MTA1: variants seen among roughly 807,000 people sequenced by gnomAD.
MTA1 encodes metastasis associated 1.
In MTA1, 15 loss-of-function variants were observed where a neutral mutation model predicts 97.0. The observed-to-expected ratio is 0.15, with a 90% confidence interval of 0.10 to 0.24. MTA1 has a LOEUF of 0.24. MTA1 is among the 10% of genes least tolerant of loss of function. The pLI is 1.00. For synonymous variants in MTA1, 435 were observed against 417.5 expected (o/e 1.04, Z -0.51); for missense variants, 709 against 1,015.1 (o/e 0.70, Z 4.10).
At chr14:105,440,710 G>T (rs2082482782) in intron 2 of MTA1, among the ~76,000 whole-genome samples, 1 of 152,280 alleles carries the variant, frequency 6.6e-6, no homozygotes, top group Non-Finnish European at 1.5e-5. Flanking sequence ...ACACCAGCCT[G>T]TGAGGGGCAC....
chr14:105,444,697 A>G (rs1359314210), intron 2 of MTA1, among the ~76,000 whole-genome samples: 4 of 151,258 alleles, frequency 2.6e-5, no homozygotes, highest in African/African-American at 9.7e-5. Flanking sequence ...AGGCTGAGGC[A>G]GGAGAATCAC....
intron 15 of MTA1, 70 bp from the exon 16 acceptor site, chr14:105,465,024 T>G: frequency 6.9e-7 from 1 of 1,441,488 alleles, no homozygotes; most frequent in Non-Finnish European, 9.2e-7. Flanking sequence ...GGCTCCCAGG[T>G]CAAGGCGCAG....
chr14:105,431,845 C>T (rs1367697730), intron 1 of MTA1, among the ~76,000 whole-genome samples: 2 of 152,070 alleles, frequency 1.3e-5, no homozygotes, highest in Non-Finnish European at 1.5e-5. Flanking sequence ...AGGCTGGTCT[C>T]AAACTCCTGA....
chr14:105,429,383 T>C (rs1555422911), intron 1 of MTA1, among the ~76,000 whole-genome samples: 1 of 152,032 alleles, frequency 6.6e-6, no homozygotes, highest in Non-Finnish European at 1.5e-5. Flanking sequence ...CCTCCCGGGT[T>C]CAAGCGATTC....
intron 4 of MTA1, 119 bp downstream of exon 4, chr14:105,449,528 G>T: frequency 8.9e-7 from 1 of 1,120,916 alleles, no homozygotes; most frequent in Non-Finnish European, 1.3e-6. Context: ...CCCTGCGCCC[G>T]GCCGGCCCGG....
rs923309328 is a variant in MTA1 at position 105,461,021 on chromosome 14, T to A, written c.942+68T>A. On this transcript the variant is annotated intron_variant, in intron 10 of 20. Transcript: ENST00000331320. ...CATCTCCAGGTAGGCTGCGGGGGTG[T>A]GGGCTCCACATCCCACTCTGCCCTG... The A allele has an allele frequency of 1.3e-5, 19 of 1,499,078 alleles. No homozygotes were observed. The African/African-American group carries it at 2.3e-4, about 18-fold the overall frequency. 92.9% of individuals were successfully genotyped at this position (1,499,078 alleles called of 1,614,324 possible). A position where few individuals can be genotyped will look rare whatever the true frequency, so the allele number is the denominator to read the frequency against.
intron 8 of MTA1, 149 bp from the exon 9 acceptor site, chr14:105,460,209 G>A: frequency 1.6e-6 from 1 of 629,338 alleles, no homozygotes; most frequent in Non-Finnish European, 2.6e-6. Context: ...TGCTGCCCAT[G>A]GCCCCTGGTC....
intron 7 of MTA1, among the ~76,000 whole-genome samples, chr14:105,455,288 C>G (rs1291187281): frequency 6.6e-6 from 1 of 152,194 alleles, no homozygotes; most frequent in Admixed American, 6.5e-5. Flanking sequence ...TGTGGGTGCC[C>G]CACCCTTGAG....
chr14:105,436,841 A>G (rs2082339988), intron 1 of MTA1, among the ~76,000 whole-genome samples: 1 of 152,250 alleles, frequency 6.6e-6, no homozygotes, highest in Non-Finnish European at 1.5e-5. Flanking sequence ...TGAGATATCT[A>G]CATGTGATGA....
chr14:105,464,772 C>T lies in MTA1; in HGVS notation c.1443C>T (p.Ile481=), dbSNP rs36015555. 8.2e-3 allele frequency: 13,237 copies of T among 1,608,536 alleles called. 921 individuals carry two copies. In the African/African-American group the frequency reaches 0.15, roughly 19 times the overall value. The change falls in exon 15 of 21, where the codon ATC becomes ATT. Residue 481 remains isoleucine (I), a synonymous_variant. Coordinates refer to ENST00000331320, the MANE Select transcript of MTA1 (RefSeq NM_004689.4). ...FYLHTTKLTR[I]ARRLCREILR... ...TGCACACGACGAAGCTGACGCGGAT[C>T]GCCCGGCGCCTGTGCCGTGAGATCC... is the stretch of plus-strand genomic sequence containing the variant.
rs374087463 is a variant in MTA1 at position 105,463,824 on chromosome 14, G to C, written c.1077-208G>C. On this transcript the variant is annotated intron_variant, in intron 12 of 20. Transcript: ENST00000331320. This position sits in a 1 kb window ranked among gnomAD's most constrained non-coding sequence, Gnocchi z 5.9. ...GTCCCTGAGCTGGGCTCCATGCTAG[G>C]GGGAGCACGGGGGCCTGGAGAACGG... 504 of 643,412 alleles carry C rather than the reference G, an allele frequency of 7.8e-4. 11 individuals are homozygous for C. Among genetic ancestry groups the C allele is most frequent in the South Asian group, 5.3e-3 (282 of 53,244 alleles). The allele number at this position is 643,412 out of a possible 1,614,324, so 39.9% of individuals were successfully genotyped here. A position where few individuals can be genotyped will look rare whatever the true frequency, so the allele number is the denominator to read the frequency against.
intron 2 of MTA1, among the ~76,000 whole-genome samples, chr14:105,441,729 G>A (rs1313862096): frequency 6.6e-6 from 1 of 152,174 alleles, no homozygotes; most frequent in Non-Finnish European, 1.5e-5. Context: ...GGGAGGTGGA[G>A]CTTGCAGTGA....
chr14:105,450,150 C>T lies in MTA1; in HGVS notation c.334C>T (p.Arg112Trp), dbSNP rs1238824930. The change falls in exon 5 of 21, where the codon CGG becomes TGG. Residue 112 changes from arginine to tryptophan, a missense_variant. By Grantham distance (101) the Arg-to-Trp change is moderately radical. Around this residue, in one of 2 missense-constraint regions of MTA1, gnomAD observed 321 missense variants for 593.5 expected, o/e 0.54. Coordinates refer to ENST00000331320, the MANE Select transcript of MTA1 (RefSeq NM_004689.4). ...GCGGCATCGGGAGCTGTTCCTCTCC[C>T]GGCAGCTGGAGTCTCTGCCCGCCAC... ...QLRHRELFLSRQLESLPATHI... is the reference protein window; with the variant it reads ...QLRHRELFLSWQLESLPATHI... 1 of 1,612,984 alleles carries T rather than the reference C, an allele frequency of 6.2e-7. No individual in the cohort carries two copies. The highest frequency in any genetic ancestry group is 8.5e-7 in the Non-Finnish European group (1 of 1,179,898).
rs1005295626 is a variant in MTA1 at position 105,460,271 on chromosome 14, C to T, written c.654-87C>T. Reference sequence around the variant, plus strand: ...TGGGGGAGTCCGTGCTGCCCGTGGCCGCTGGTCCCTGGCGCCTGGGGAGCG... The same window carrying T: ...TGGGGGAGTCCGTGCTGCCCGTGGCTGCTGGTCCCTGGCGCCTGGGGAGCG... On this transcript the variant is annotated intron_variant, in intron 8 of 20. Transcript: ENST00000331320. The T allele has an allele frequency of 4.8e-5, 61 of 1,276,476 alleles. No homozygotes were observed. In the Middle Eastern group the frequency reaches 7.4e-4, roughly 16 times the overall value. The allele number at this position is 1,276,476 out of a possible 1,614,324, so 79.1% of individuals were successfully genotyped here. A position where few individuals can be genotyped will look rare whatever the true frequency, so the allele number is the denominator to read the frequency against.
At chr14:105,444,579 T>A (rs1369186585) in intron 2 of MTA1, among the ~76,000 whole-genome samples, 1 of 152,032 alleles carries the variant, frequency 6.6e-6, no homozygotes, top group African/African-American at 2.4e-5. Context: ...TTGCTTGAGG[T>A]CAGGGGTTCC....
intron 1 of MTA1, among the ~76,000 whole-genome samples, chr14:105,421,304 A>G (rs2081827083): frequency 6.6e-6 from 1 of 152,072 alleles, no homozygotes. Flanking sequence ...ACGCTCAGGG[A>G]GCAGCCTGGG....
Position 105,450,336 on chromosome 14 carries a change from C to T in MTA1, c.432+12C>T, listed in dbSNP as rs2082874453. 1 of 1,597,524 alleles carries T rather than the reference C, an allele frequency of 6.3e-7. No homozygotes were observed. Among genetic ancestry groups the T allele is most frequent in the Admixed American group, 1.7e-5 (1 of 59,542 alleles). Reference sequence around the variant, plus strand: ...ACCTGGAGCGGGAGGTGAGGCCCAGCCCGGCCTGGTCTGCCGCAGCCAGTC... The same window carrying T: ...ACCTGGAGCGGGAGGTGAGGCCCAGTCCGGCCTGGTCTGCCGCAGCCAGTC... On this transcript the variant is annotated intron_variant, in intron 6 of 20. Transcript: ENST00000331320.
chr14:105,444,175 C>T (rs1362103271), intron 2 of MTA1, among the ~76,000 whole-genome samples: 5 of 151,730 alleles, frequency 3.3e-5, no homozygotes, highest in Non-Finnish European at 7.4e-5. Context: ...AGATCGAGGC[C>T]ATCCTGGCTA....
At position 105,458,161 on chromosome 14, in the gene MTA1, C is replaced by T; in HGVS notation, c.551-109C>T. 5.8e-6 allele frequency: 5 copies of T among 861,326 alleles called. No homozygotes were observed. The Admixed American group carries it at 1.0e-4, about 18-fold the overall frequency. 53.4% of individuals were successfully genotyped at this position (861,326 alleles called of 1,614,324 possible). On this transcript the variant is annotated intron_variant, in intron 7 of 20. Coordinates refer to ENST00000331320, the MANE Select transcript of MTA1 (RefSeq NM_004689.4). ...CCCTGGCCTCACCTATGGGGCCCTG[C>T]AGCCCTTCCCCCTCCCCGTCCCAGC...
Sources: allele counts gnomAD v4.1 joint callset (sites outside exome capture counted in the v4.1 genomes callset), GRCh38; gene constraint gnomAD v4.1.1; regional missense constraint gnomAD v4.1.1; non-coding constraint Gnocchi (gnomAD v3.1); transcripts MANE v1.5; gene names NCBI Gene and HGNC (gene_info 2026-07-23, HGNC 2026-07-21).